The following CEP128 variants were observed in gnomAD, a reference collection of about 807,000 sequenced individuals.
CEP128 encodes the protein centrosomal protein 128kDa.
CEP128 carries 132 observed loss-of-function variants against 156.7 expected under a neutral mutation model. The observed-to-expected ratio is 0.84, with a 90% CI of 0.73 to 0.97. The LOEUF (loss-of-function observed/expected upper bound fraction) is 0.97, where lower values mean the gene tolerates loss of function less well. Ranked by LOEUF, CEP128 falls within the 50% of genes least tolerant of loss-of-function variation. The pLI is 0.00. For missense variants in CEP128, 1,252 were observed against 1,281.9 expected (o/e 0.98, Z 0.36); for synonymous variants, 469 against 448.9 (o/e 1.04, Z -0.57).
intron 21 of CEP128, among the ~76,000 whole-genome samples, chr14:80,553,703 G>C (rs1376417568): frequency 6.6e-6 from 1 of 152,090 alleles, no homozygotes; most frequent in Non-Finnish European, 1.5e-5. Flanking sequence ...ACTTTTGCAT[G>C]GGTATAGTTT....
At chr14:80,896,853 C>A (rs1404577973) in intron 7 of CEP128, among the ~76,000 whole-genome samples, 1 of 152,154 alleles carries the variant, frequency 6.6e-6, no homozygotes, top group East Asian at 1.9e-4. Flanking sequence ...TACTTTCCTG[C>A]TCTAATTTAG....
intron 19 of CEP128, among the ~76,000 whole-genome samples, chr14:80,678,367 CA>C (rs34444017): frequency 3.7e-3 from 488 of 131,038 alleles, no homozygotes; most frequent in African/African-American, 5.4e-3. Context: ...CACTCCATTC[CA>C]AAAAAAAAAA....
intron 19 of CEP128, among the ~76,000 whole-genome samples, chr14:80,591,223 A>C (rs1007485925): frequency 1.4e-4 from 22 of 152,160 alleles, no homozygotes; most frequent in Non-Finnish European, 2.2e-4. Context: ...AAATTGGATA[A>C]AGAGTCAAGA....
At chr14:80,690,127 C>T (rs1896667080) in intron 19 of CEP128, among the ~76,000 whole-genome samples, 1 of 151,676 alleles carries the variant, frequency 6.6e-6, no homozygotes, top group African/African-American at 2.4e-5. Context: ...ACAGTTTGGG[C>T]AGGGCGTGGT....
rs1900444975 is a variant in CEP128 at position 80,770,186 on chromosome 14, G to A, written c.2376+7696C>T. The stretch of plus-strand genomic sequence containing the variant: ...TCAATCAAGTCCAAGTCAGGAGTGG[G>A]TACAACTGGTAAACTTTGACTTTAC... On this transcript the variant is annotated intron_variant, in intron 16 of 24. Transcript: ENST00000555265. Among the ~76,000 whole-genome samples the A allele has an allele frequency of 2.0e-5, 3 of 152,304 alleles. No individual in the cohort carries two copies. In the South Asian group the frequency reaches 6.2e-4, roughly 32 times the overall value.
At chr14:80,709,326 T>C (rs985689688) in intron 19 of CEP128, among the ~76,000 whole-genome samples, 1 of 151,940 alleles carries the variant, frequency 6.6e-6, no homozygotes, top group Non-Finnish European at 1.5e-5. Flanking sequence ...TTAGTACAGA[T>C]GGGGTTTCAC....
intron 18 of CEP128, among the ~76,000 whole-genome samples, chr14:80,750,901 A>G (rs915654361): frequency 2.6e-5 from 4 of 152,146 alleles, no homozygotes; most frequent in African/African-American, 9.7e-5. Flanking sequence ...GCCTTTAGGG[A>G]GGAAATTAAG....
intron 14 of CEP128, among the ~76,000 whole-genome samples, chr14:80,483,990 T>TC (rs1887106817): frequency 6.6e-6 from 1 of 152,098 alleles, no homozygotes; most frequent in Non-Finnish European, 1.5e-5. Flanking sequence ...TCTTTTTTTT[T>TC]CTCTGAGACA....
chr14:80,890,910 A>C (rs1454478106), intron 8 of CEP128, among the ~76,000 whole-genome samples: 3 of 152,192 alleles, frequency 2.0e-5, no homozygotes, highest in Admixed American at 6.5e-5. Context: ...ATTTCTCAGA[A>C]GGAGACACAC....
At chr14:80,757,984 T>A (rs1258211190) in intron 17 of CEP128, among the ~76,000 whole-genome samples, 1 of 152,244 alleles carries the variant, frequency 6.6e-6, no homozygotes, top group African/African-American at 2.4e-5. Flanking sequence ...CAGTATTTCC[T>A]TCCTCTTCCA....
At chr14:80,760,592 T>C (rs1899911696) in intron 17 of CEP128, among the ~76,000 whole-genome samples, 1 of 152,208 alleles carries the variant, frequency 6.6e-6, no homozygotes, top group Non-Finnish European at 1.5e-5. Context: ...AATGCCATCA[T>C]ATCACCAAAT....
rs1252018123 is a variant in CEP128, at chr14:80,879,459, C to T, written c.645+16259G>A. On this transcript the variant is annotated intron_variant, in intron 8 of 24. Coordinates refer to ENST00000555265, the MANE Select transcript of CEP128 (RefSeq NM_152446.5). ...CAATTCAGTAAAAACAGGAAAACAA[C>T]TCATGATCTGAATGAGAAATTCAGC... Among the ~76,000 whole-genome samples, 3 of 151,882 alleles carry T rather than the reference C, an allele frequency of 2.0e-5. No homozygotes were observed. The East Asian group carries it at 5.8e-4, about 29-fold the overall frequency.
intron 21 of CEP128, among the ~76,000 whole-genome samples, chr14:80,539,878 T>C (rs1401168531): frequency 1.3e-5 from 2 of 152,052 alleles, no homozygotes; most frequent in East Asian, 3.9e-4. Flanking sequence ...GTCTGTCTTA[T>C]GTGGTTGAGA....
intron 9 of CEP128, 76 bp from the exon 10 acceptor site, chr14:80,840,844 T>C (rs1886318032): frequency 3.4e-6 from 3 of 875,362 alleles, no homozygotes; most frequent in Non-Finnish European, 5.7e-6. Flanking sequence ...ATTTATTATG[T>C]ATTAGGGCTG....
intron 13 of CEP128, among the ~76,000 whole-genome samples, chr14:80,820,115 T>A (rs1277025312): frequency 1.3e-5 from 2 of 152,224 alleles, no homozygotes; most frequent in African/African-American, 4.8e-5. Flanking sequence ...GTTGATTCTT[T>A]TTATAACTTC....
chr14:80,560,290 T>C (rs1890614228), intron 20 of CEP128, among the ~76,000 whole-genome samples: 1 of 152,070 alleles, frequency 6.6e-6, no homozygotes, highest in Non-Finnish European at 1.5e-5. Flanking sequence ...CCAGGTGCGG[T>C]GCCGCGTGCC....
intron 13 of CEP128, among the ~76,000 whole-genome samples, chr14:80,829,392 T>G (rs1885660207): frequency 6.6e-6 from 1 of 152,200 alleles, no homozygotes; most frequent in Non-Finnish European, 1.5e-5. Context: ...TCAAAGAACT[T>G]TCTGCATCAA....
intron 19 of CEP128, among the ~76,000 whole-genome samples, chr14:80,600,351 A>G (rs1383442154): frequency 6.6e-6 from 1 of 152,240 alleles, no homozygotes; most frequent in Non-Finnish European, 1.5e-5. Flanking sequence ...CAAATTCTCA[A>G]AAGCTAGAGA....
intron 13 of CEP128, among the ~76,000 whole-genome samples, chr14:80,811,933 A>AT (rs1474720924): frequency 6.6e-6 from 1 of 151,880 alleles, no homozygotes; most frequent in Non-Finnish European, 1.5e-5. Flanking sequence ...ATTTTTTCCA[A>AT]TTTTTATTTT....
Sources: allele counts gnomAD v4.1 joint callset (sites outside exome capture counted in the v4.1 genomes callset), GRCh38; gene constraint gnomAD v4.1.1; transcripts MANE v1.5; gene names NCBI Gene and HGNC (gene_info 2026-07-23, HGNC 2026-07-21).